DOCK10: variants seen among roughly 807,000 people sequenced by gnomAD.
The protein encoded by DOCK10 is dedicator of cytokinesis 10.
Under a neutral mutation model 280.1 loss-of-function variants are expected in DOCK10, and 145 were observed. The observed-to-expected ratio is 0.52, with a 90% CI of 0.45 to 0.59. DOCK10 has a LOEUF of 0.59. Among genes scored for constraint, DOCK10 ranks in the 20% least tolerant of loss-of-function variants. DOCK10 has a pLI of 0.00. For synonymous variants in DOCK10, 915 were observed against 942.2 expected (o/e 0.97, Z 0.53); for missense variants, 2,368 against 2,651.7 (o/e 0.89, Z 2.35).
At position 224,807,751 on chromosome 2, in the gene DOCK10, G is replaced by A; in HGVS notation, c.3619C>T (p.Pro1207Ser). The change falls in exon 33 of 56, where the codon CCC becomes TCC. Residue 1207 changes from proline (P) to serine (S), a missense_variant. Pro to Ser is a moderately conservative substitution (Grantham distance 74, BLOSUM62 -1). Transcript: ENST00000258390. Reference protein sequence around the residue: ...KQAQIASLYMPLYGMLLDNMP... With the variant: ...KQAQIASLYMSLYGMLLDNMP... ...TTGTCCAGGAGCATGCCGTACAGGG[G>A]CATGTATAAACTTGCTATCTGGGCC... 6.4e-7 allele frequency: 1 copy of A among 1,571,774 alleles called. No individual in the cohort carries two copies. Among genetic ancestry groups the A allele is most frequent in the Non-Finnish European group, 8.6e-7 (1 of 1,157,050 alleles).
At chr2:225,027,241 C>T (rs143849703) in intron 1 of DOCK10, among the ~76,000 whole-genome samples, 26 of 152,310 alleles carry the variant, frequency 1.7e-4, no homozygotes, top group Non-Finnish European at 3.4e-4. Context: ...CCACTAGTCA[C>T]CTTTCGTGAC....
chr2:224,852,347 A>G, intron 18 of DOCK10, 30 bp downstream of exon 18: 1 of 1,549,030 alleles, frequency 6.5e-7, no homozygotes, highest in Non-Finnish European at 8.8e-7. Flanking sequence ...TTCCCACTTT[A>G]TGCTGGGTCC....
In DOCK10 at chr2:224,854,948, ACAT is replaced by A. The variant is rs747069787; in HGVS notation, c.1888+12_1888+14del. The stretch of plus-strand genomic sequence containing the variant: ...TTCAAAACTCTGCAACCAAACCATG[ACAT>A]CATCATCATACTTGGATGCTCCAAG... On this transcript the variant is annotated intron_variant, in intron 16 of 55. Transcript: ENST00000258390. 27 of 1,589,202 alleles carry A rather than the reference ACAT, an allele frequency of 1.7e-5. No homozygotes were observed. Among genetic ancestry groups the A allele is most frequent in the Non-Finnish European group, 2.2e-5 (26 of 1,162,710 alleles).
At position 224,795,048 on chromosome 2, in the gene DOCK10, C is replaced by T; in HGVS notation, c.4985G>A (p.Arg1662Lys). The T allele has an allele frequency of 6.2e-7, 1 of 1,613,936 alleles. No homozygotes were observed. Among genetic ancestry groups the T allele is most frequent in the Non-Finnish European group, 8.5e-7 (1 of 1,179,876 alleles). The change falls in exon 45 of 56, where the codon AGG becomes AAG. Residue 1662 changes from arginine (R) to lysine (K), a missense_variant. Around this residue, in one of 2 missense-constraint regions of DOCK10, gnomAD observed 1,159 missense variants for 1,400.8 expected, o/e 0.83. Coordinates refer to ENST00000258390, the MANE Select transcript of DOCK10 (RefSeq NM_014689.3). ...AEVKDLTKRI[R>K]TVLMATAQMK... ...CTGAGCTGTGGCCATCAAAACAGTC[C>T]TTATACGCTTAGTCAGGTCCTTCAC...
chr2:224,787,304 C>G lies in DOCK10; in HGVS notation c.5512G>C (p.Ala1838Pro). The G allele has an allele frequency of 6.2e-7, 1 of 1,613,946 alleles. No individual in the cohort carries two copies. Among genetic ancestry groups the G allele is most frequent in the Non-Finnish European group, 8.5e-7 (1 of 1,179,868 alleles). ...LIADVNKPII[A>P]VFEKQRDFKK... ...AAGTCTCGTTGTTTCTCAAAGACAG[C>G]AATGATGGGCTTGTTGACATCAGCA... The change falls in exon 49 of 56, where the codon GCT (alanine) becomes CCT (proline). Residue 1838 changes from alanine (A) to proline (P), a missense_variant. Physicochemically the swap from Ala to Pro is conservative, Grantham distance 27. This residue lies in a region of DOCK10 where 1,159 missense variants were observed against 1,400.8 expected (regional missense o/e 0.83). Coordinates refer to ENST00000258390, the MANE Select transcript of DOCK10 (RefSeq NM_014689.3).
At chr2:224,911,531 G>A (rs1701010468) in intron 3 of DOCK10, among the ~76,000 whole-genome samples, 2 of 152,176 alleles carry the variant, frequency 1.3e-5, no homozygotes, top group South Asian at 2.1e-4. Flanking sequence ...TAGAGATTGG[G>A]GGTGAAGGTT....
intron 1 of DOCK10, among the ~76,000 whole-genome samples, chr2:224,969,701 T>G (rs1206823422): frequency 6.6e-6 from 1 of 152,192 alleles, no homozygotes; most frequent in African/African-American, 2.4e-5. Flanking sequence ...TCAGCATTCT[T>G]TTCAACAGCA....
At chr2:225,014,590 T>TC (rs1689540806) in intron 1 of DOCK10, among the ~76,000 whole-genome samples, 1 of 152,116 alleles carries the variant, frequency 6.6e-6, no homozygotes, top group Non-Finnish European at 1.5e-5. Flanking sequence ...GTCTTTTTTT[T>TC]CCCCATATGT....
In DOCK10 at chr2:224,805,217, G is replaced by A. The variant is rs368517297; in HGVS notation, c.4040C>T (p.Thr1347Met). The change falls in exon 36 of 56, where the codon ACG becomes ATG. Residue 1347 changes from threonine (T) to methionine (M), a missense_variant. Physicochemically the swap from Thr to Met is moderately conservative, Grantham distance 81. Transcript: ENST00000258390. The surrounding 1 kb of genome is among the most constrained non-coding windows in gnomAD (Gnocchi z 4.3). Reference sequence around the variant, plus strand: ...AGAATTCTCTTTACCGTACGAAATCGTTTTCATAATGTGAAGAAAACACAT... The same window carrying A: ...AGAATTCTCTTTACCGTACGAAATCATTTTCATAATGTGAAGAAAACACAT... ...LLMCFLHIMKTISYETLIAYW... is the reference protein window; with the variant it reads ...LLMCFLHIMKMISYETLIAYW... 20 of 1,609,272 alleles carry A rather than the reference G, an allele frequency of 1.2e-5. No homozygotes were observed. The highest frequency in any genetic ancestry group is 2.7e-5 in the African/African-American group (2 of 74,400).
At position 224,841,913 on chromosome 2, in the gene DOCK10, A is replaced by G; in HGVS notation, c.2569-17T>C. 1 of 1,573,628 alleles carries G rather than the reference A, an allele frequency of 6.4e-7. No homozygotes were observed. The highest frequency in any genetic ancestry group is 1.1e-5 in the South Asian group (1 of 90,286). On this transcript the variant is annotated splice_polypyrimidine_tract_variant and intron_variant, in intron 22 of 55. Coordinates refer to ENST00000258390, the MANE Select transcript of DOCK10 (RefSeq NM_014689.3). Reference sequence around the variant, plus strand: ...ATGTGGATCCTACAACAGCAAAAAAAAAGTATTTATTTCTGATGACACGTA... The same window carrying G: ...ATGTGGATCCTACAACAGCAAAAAAGAAGTATTTATTTCTGATGACACGTA...
chr2:224,940,366 T>G (rs562408784), intron 1 of DOCK10, among the ~76,000 whole-genome samples: 1 of 152,216 alleles, frequency 6.6e-6, no homozygotes, highest in Non-Finnish European at 1.5e-5. Flanking sequence ...TATAGGAATC[T>G]AATGAGATAT....
Position 224,845,202 on chromosome 2 carries a change from C to A in DOCK10, c.2481+1G>T. ...ATCTTAAATTACACATTATTCAATACCTTTCCACTTGCAGAATCTTGAAAG... is the reference window on the plus strand; with the variant it reads ...ATCTTAAATTACACATTATTCAATAACTTTCCACTTGCAGAATCTTGAAAG... On this transcript the variant is annotated splice_donor_variant, in intron 21 of 55. Transcript: ENST00000258390. LOFTEE classifies it high-confidence loss of function. 6.4e-7 allele frequency: 1 copy of A among 1,570,100 alleles called. No individual in the cohort carries two copies. The highest frequency in any genetic ancestry group is 8.7e-7 in the Non-Finnish European group (1 of 1,155,874).
At chr2:224,861,734 G>C (rs1697512269) in intron 14 of DOCK10, 1 of 152,034 alleles carries the variant, frequency 6.6e-6, no homozygotes, top group Non-Finnish European at 1.5e-5. Flanking sequence ...ATACTTGATG[G>C]GCTGTCTTAT....
intron 3 of DOCK10, among the ~76,000 whole-genome samples, chr2:224,913,582 T>C (rs1559744169): frequency 6.6e-6 from 1 of 152,248 alleles, no homozygotes; most frequent in Admixed American, 6.5e-5. Context: ...TTTGACTCTG[T>C]GTATGGTACT....
chr2:224,883,171 T>C (rs1240672537), intron 7 of DOCK10, among the ~76,000 whole-genome samples: 1 of 152,222 alleles, frequency 6.6e-6, no homozygotes, highest in African/African-American at 2.4e-5. Context: ...TTCATCATTG[T>C]TTCATGTTCC....
intron 3 of DOCK10, among the ~76,000 whole-genome samples, chr2:224,903,771 G>T (rs1700441585): frequency 6.6e-6 from 1 of 152,132 alleles, no homozygotes; most frequent in Non-Finnish European, 1.5e-5. Context: ...GTGTTTTACT[G>T]ATTTACTGCC....
At chr2:225,010,358 A>C (rs1031220873) in intron 1 of DOCK10, 7 of 152,142 alleles carry the variant, frequency 4.6e-5, no homozygotes, top group Admixed American at 4.6e-4. Flanking sequence ...AGAGAGAAGT[A>C]TGAAGAACTG....
chr2:224,815,740 C>T (rs1694088646), intron 30 of DOCK10, among the ~76,000 whole-genome samples: 1 of 151,972 alleles, frequency 6.6e-6, no homozygotes, highest in African/African-American at 2.4e-5. Context: ...AATATCAAAG[C>T]AAATATGCCT....
intron 50 of DOCK10, chr2:224,784,765 A>T (rs953288211): frequency 7.8e-6 from 10 of 1,289,816 alleles, no homozygotes; most frequent in Non-Finnish European, 9.1e-6. Context: ...AGACCAAAAG[A>T]AGAAAAGAGT....
Sources: gnomAD v4.1 joint callset for allele counts (sites outside exome capture counted in the v4.1 genomes callset) on GRCh38, gnomAD v4.1.1 for gene constraint, gnomAD v4.1.1 regional missense constraint, Gnocchi (gnomAD v3.1) non-coding constraint, MANE v1.5 for transcripts, NCBI Gene and HGNC (gene_info 2026-07-23, HGNC 2026-07-21) for gene names.